The following KHDRBS2 variants were observed in gnomAD, a reference collection of about 807,000 sequenced individuals.
KHDRBS2 encodes KH RNA binding domain containing, signal transduction associated 2.
In KHDRBS2, 26 loss-of-function variants were observed where a neutral mutation model predicts 44.3. The ratio of observed to expected loss-of-function variants is 0.59; its 90% CI spans 0.43 to 0.81. The LOEUF (loss-of-function observed/expected upper bound fraction) is 0.81. Ranked by LOEUF, KHDRBS2 falls within the 40% of genes least tolerant of loss-of-function variation. The probability of loss-of-function intolerance (pLI) is 0.00; values close to 1 mark genes in which losing one functional copy is unlikely to be tolerated. For synonymous variants in KHDRBS2, 194 were observed against 151.1 expected (o/e 1.28, Z -2.08); for missense variants, 476 against 433.1 (o/e 1.10, Z -0.88).
intron 2 of KHDRBS2, among the ~76,000 whole-genome samples, chr6:62,092,010 G>A (rs564743178): frequency 6.6e-6 from 1 of 152,236 alleles, no homozygotes; most frequent in South Asian, 2.1e-4. Flanking sequence ...TAGTGAGCAT[G>A]CTGCAAAGAT....
intron 2 of KHDRBS2, among the ~76,000 whole-genome samples, chr6:62,107,157 C>G (rs1803609042): frequency 6.6e-6 from 1 of 151,904 alleles, no homozygotes; most frequent in Non-Finnish European, 1.5e-5. Context: ...CAAATTGTCC[C>G]TGTTTGCAGA....
chr6:61,885,604 C>G (rs534106677), intron 6 of KHDRBS2, among the ~76,000 whole-genome samples: 2 of 152,202 alleles, frequency 1.3e-5, no homozygotes, highest in Non-Finnish European at 2.9e-5. Flanking sequence ...CTAAATAATG[C>G]AAACAAAATA....
chr6:62,200,568 TA>T (rs1050721120), intron 1 of KHDRBS2, among the ~76,000 whole-genome samples: 1 of 152,128 alleles, frequency 6.6e-6, no homozygotes, highest in Middle Eastern at 3.2e-3. Context: ...TGGCGATCAT[TA>T]AAAAGTCAGG....
At chr6:62,075,523 AC>A (rs1796154283) in intron 2 of KHDRBS2, among the ~76,000 whole-genome samples, 1 of 151,886 alleles carries the variant, frequency 6.6e-6, no homozygotes, top group Non-Finnish European at 1.5e-5. Context: ...AGTTTGAAAA[AC>A]CAAGTGGGAA....
At chr6:61,570,311 A>G in the KHDRBS2 span, among the ~76,000 whole-genome samples, 1 of 152,132 alleles carries the variant, frequency 6.6e-6, no homozygotes, top group African/African-American at 2.4e-5. Flanking sequence ...GAACAAGTAG[A>G]AGAAAGAAAT....
chr6:61,603,150 A>G, the KHDRBS2 span, among the ~76,000 whole-genome samples: 1 of 152,182 alleles, frequency 6.6e-6, no homozygotes, highest in African/African-American at 2.4e-5. Flanking sequence ...TGCCTGTTAC[A>G]GCATGGCCTT....
chr6:61,661,854 A>T, the KHDRBS2 span, among the ~76,000 whole-genome samples: 48 of 152,050 alleles, frequency 3.2e-4, no homozygotes, highest in Admixed American at 1.3e-4. Flanking sequence ...TGCCATCCCC[A>T]TCAAGCTACC....
At chr6:62,257,151 G>A (rs1837515837) in intron 1 of KHDRBS2, among the ~76,000 whole-genome samples, 1 of 152,062 alleles carries the variant, frequency 6.6e-6, no homozygotes, top group South Asian at 2.1e-4. Context: ...ACTGGGATTT[G>A]AACATTGGCA....
intron 6 of KHDRBS2, among the ~76,000 whole-genome samples, chr6:61,750,777 A>C (rs1183702982): frequency 1.3e-5 from 2 of 151,324 alleles, no homozygotes; most frequent in East Asian, 1.9e-4. Flanking sequence ...AAAAAAAAAA[A>C]CATCTAGGAG....
At chr6:62,057,007 ACT>A (rs1221659177) in intron 2 of KHDRBS2, among the ~76,000 whole-genome samples, 1 of 151,906 alleles carries the variant, frequency 6.6e-6, no homozygotes, top group African/African-American at 2.4e-5. Flanking sequence ...TCTTTTACAC[ACT>A]CTGTTAAAAT....
At chr6:61,858,771 G>A (rs2127293215) in intron 6 of KHDRBS2, among the ~76,000 whole-genome samples, 1 of 151,938 alleles carries the variant, frequency 6.6e-6, no homozygotes, top group African/African-American at 2.4e-5. Flanking sequence ...ATTCAAAGAT[G>A]TATCTTCTCC....
chr6:61,875,473 T>C (rs1396222666), intron 6 of KHDRBS2, among the ~76,000 whole-genome samples: 1 of 152,132 alleles, frequency 6.6e-6, no homozygotes, highest in Non-Finnish European at 1.5e-5. Context: ...TACTCTTGCC[T>C]AAAGATGACA....
intron 6 of KHDRBS2, among the ~76,000 whole-genome samples, chr6:61,892,797 C>A (rs1424926463): frequency 4.6e-5 from 7 of 152,258 alleles, no homozygotes; most frequent in Non-Finnish European, 1.0e-4. Flanking sequence ...ACCATAAAAA[C>A]CCTAGAAGAA....
At chr6:62,029,143 T>A (rs1783894133) in intron 3 of KHDRBS2, among the ~76,000 whole-genome samples, 1 of 152,016 alleles carries the variant, frequency 6.6e-6, no homozygotes, top group Non-Finnish European at 1.5e-5. Flanking sequence ...ATATTTTAAA[T>A]TTTTATATAA....
chr6:62,062,057 C>G (rs1336547041), intron 2 of KHDRBS2, among the ~76,000 whole-genome samples: 4 of 151,352 alleles, frequency 2.6e-5, no homozygotes, highest in African/African-American at 9.7e-5. Context: ...GTAAAGGGAT[C>G]AATTCAACAA....
chr6:62,191,890 C>T lies in KHDRBS2; in HGVS notation c.92-14578G>A, dbSNP rs144529756. 2.5e-3 allele frequency among the ~76,000 whole-genome samples: 383 copies of T among 152,102 alleles called. 3 individuals are homozygous for T. The highest frequency in any genetic ancestry group is 8.5e-3 in the African/African-American group (351 of 41,516). The stretch of plus-strand genomic sequence containing the variant: ...CTTGGAAACCACAACAAAAGAGTGA[C>T]ATCTAAGAGGTGACACAAATTTAAA... On this transcript the variant is annotated intron_variant, in intron 1 of 8. Coordinates refer to ENST00000281156, the MANE Select transcript of KHDRBS2 (RefSeq NM_152688.4).
intron 6 of KHDRBS2, among the ~76,000 whole-genome samples, chr6:61,886,206 A>C (rs1483940164): frequency 6.6e-6 from 1 of 152,124 alleles, no homozygotes; most frequent in Non-Finnish European, 1.5e-5. Flanking sequence ...ATTATAAGTG[A>C]AGTTACAACC....
chr6:61,721,603 T>C (rs1051491702), intron 7 of KHDRBS2, among the ~76,000 whole-genome samples: 3 of 131,728 alleles, frequency 2.3e-5, no homozygotes, highest in African/African-American at 5.2e-5. Flanking sequence ...TGTATAAGAA[T>C]GCTTGTGATT....
chr6:61,578,727 A>G, the KHDRBS2 span, among the ~76,000 whole-genome samples: 1 of 152,186 alleles, frequency 6.6e-6, no homozygotes, highest in African/African-American at 2.4e-5. Flanking sequence ...TAAAGCGATT[A>G]TAGTCGGATG....
Sources: gnomAD v4.1 joint callset for allele counts (sites outside exome capture counted in the v4.1 genomes callset) on GRCh38, gnomAD v4.1.1 for gene constraint, MANE v1.5 for transcripts, NCBI Gene and HGNC (gene_info 2026-07-23, HGNC 2026-07-21) for gene names.